PDE11A: variants seen among roughly 807,000 people sequenced by gnomAD.
The protein encoded by PDE11A is phosphodiesterase 11A.
Under a neutral mutation model 100.5 loss-of-function variants are expected in PDE11A, and 100 were observed. That is an observed-to-expected ratio of 1.00 (90% CI 0.85 to 1.18). The LOEUF (loss-of-function observed/expected upper bound fraction) is 1.18, where lower values mean the gene tolerates loss of function less well. Ranked by LOEUF, PDE11A falls within the 50% of genes most tolerant of loss-of-function variation. The pLI, the probability that PDE11A is intolerant of heterozygous loss-of-function variation, is 0.00. For missense variants in PDE11A, 1,141 were observed against 1,152.6 expected (o/e 0.99, Z 0.15); for synonymous variants, 381 against 420.8 (o/e 0.91, Z 1.16).
intron 6 of PDE11A, among the ~76,000 whole-genome samples, chr2:177,821,780 C>G (rs527754038): frequency 2.0e-5 from 3 of 151,742 alleles, no homozygotes; most frequent in Non-Finnish European, 3.0e-5. Context: ...TAATAATATG[C>G]CTTTCATTCT....
At chr2:178,105,255 T>C (rs949100098) in intron 1 of PDE11A, among the ~76,000 whole-genome samples, 1 of 151,970 alleles carries the variant, frequency 6.6e-6, no homozygotes, top group African/African-American at 2.4e-5. Flanking sequence ...AGGTCAGGAG[T>C]TCGAGATCAG....
Position 177,749,184 on chromosome 2 carries a change from A to T in PDE11A, c.1788+20139T>A, listed in dbSNP as rs571782126. Among the ~76,000 whole-genome samples the T allele has an allele frequency of 9.4e-5, 13 of 138,478 alleles. No individual in the cohort carries two copies. The South Asian group carries it at 3.3e-3, about 35-fold the overall frequency. 90.8% of individuals were successfully genotyped at this position (138,478 alleles called of 152,430 possible). A position where few individuals can be genotyped will look rare whatever the true frequency, so the allele number is the denominator to read the frequency against. ...CCATCTACCATTATTTTTGCTGGAA[A>T]TACAGGAGTTTTGTTTGTTTGTTTG... On this transcript the variant is annotated intron_variant, in intron 10 of 19. Coordinates refer to ENST00000286063, the MANE Select transcript of PDE11A (RefSeq NM_016953.4).
chr2:177,651,977 A>G (rs746319477), intron 19 of PDE11A, among the ~76,000 whole-genome samples: 1 of 152,214 alleles, frequency 6.6e-6, no homozygotes, highest in Non-Finnish European at 1.5e-5. Context: ...AGGTTATTTC[A>G]GGGCATCCTG....
chr2:178,007,212 T>C (rs1187185784), intron 2 of PDE11A, among the ~76,000 whole-genome samples: 1 of 152,224 alleles, frequency 6.6e-6, no homozygotes, highest in African/African-American at 2.4e-5. Flanking sequence ...GAGAACTTAA[T>C]GGTCTCTGTT....
At chr2:178,011,738 C>T (rs761503329) in intron 2 of PDE11A, among the ~76,000 whole-genome samples, 10 of 152,172 alleles carry the variant, frequency 6.6e-5, no homozygotes, top group Non-Finnish European at 1.0e-4. Flanking sequence ...AGTTCTCTTC[C>T]AAGTTCTTTC....
intron 1 of PDE11A, among the ~76,000 whole-genome samples, chr2:178,025,163 G>T (rs1220135958): frequency 6.6e-6 from 1 of 152,178 alleles, no homozygotes; most frequent in Non-Finnish European, 1.5e-5. Flanking sequence ...TTCCTAAAGA[G>T]TTCTAAATAG....
intron 1 of PDE11A, among the ~76,000 whole-genome samples, chr2:178,065,658 A>C (rs2087033717): frequency 6.6e-6 from 1 of 152,156 alleles, no homozygotes; most frequent in South Asian, 2.1e-4. Context: ...AATTTTTTTT[A>C]AACACTGTGC....
rs1559062748 is a variant in PDE11A at position 178,072,153 on chromosome 2, C to G, written c.285G>C (p.Gly95=). ...QPLPGGGDCG[G]VPLSPSWAGG... is the part of the protein sequence containing the mutation. ...CGGCCCAGCTGGGACTCAAGGGAACCCCACCACAGTCCCCGCCACCGGGAA... is the reference window on the plus strand; with the variant it reads ...CGGCCCAGCTGGGACTCAAGGGAACGCCACCACAGTCCCCGCCACCGGGAA... Residue 95 remains glycine, a synonymous_variant, in exon 1 of 20, where the codon GGG becomes GGC. Coordinates refer to ENST00000286063, the MANE Select transcript of PDE11A (RefSeq NM_016953.4). The G allele has an allele frequency of 6.2e-7, 1 of 1,613,750 alleles. No individual in the cohort carries two copies. Among genetic ancestry groups the G allele is most frequent in the Admixed American group, 1.7e-5 (1 of 59,994 alleles).
At chr2:178,089,304 T>G (rs1361874405) in intron 2 of PDE11A, among the ~76,000 whole-genome samples, 1 of 152,122 alleles carries the variant, frequency 6.6e-6, no homozygotes, top group South Asian at 2.1e-4. Context: ...GGAAGAAAGA[T>G]GTTACTGAAG....
chr2:177,747,741 G>A (rs1254380335), intron 10 of PDE11A, among the ~76,000 whole-genome samples: 3 of 152,094 alleles, frequency 2.0e-5, no homozygotes, highest in African/African-American at 4.8e-5. Context: ...TGTAGCATTC[G>A]GGGATTTCAG....
chr2:178,107,486 T>C (rs1427149868), intron 1 of PDE11A, among the ~76,000 whole-genome samples: 1 of 150,878 alleles, frequency 6.6e-6, no homozygotes, highest in Non-Finnish European at 1.5e-5. Context: ...TAGCAAACAT[T>C]TGTATGTGCT....
chr2:178,102,428 GTTTT>G (rs769341186), intron 2 of PDE11A, among the ~76,000 whole-genome samples: 2 of 55,362 alleles, frequency 3.6e-5, no homozygotes, highest in Non-Finnish European at 6.3e-5. Context: ...CCTGGTCTAA[GTTTT>G]TTTTTTTTTT....
chr2:177,737,314 C>G (rs187254009), intron 10 of PDE11A, among the ~76,000 whole-genome samples: 4,022 of 151,678 alleles, frequency 0.027, 184 homozygotes, highest in African/African-American at 0.091. Flanking sequence ...TGCGGTGGCT[C>G]ACACCTGTAA....
intron 15 of PDE11A, among the ~76,000 whole-genome samples, chr2:177,689,144 G>A (rs373934832): frequency 7.2e-5 from 11 of 152,096 alleles, no homozygotes; most frequent in East Asian, 1.9e-4. Context: ...GTGCAATGGC[G>A]TGATCTCGGC....
intron 10 of PDE11A, among the ~76,000 whole-genome samples, chr2:177,766,351 ACCT>A (rs998933221): frequency 3.3e-5 from 5 of 152,054 alleles, no homozygotes; most frequent in Non-Finnish European, 5.9e-5. Context: ...CCTGCTGCTC[ACCT>A]CCTGCTGTGT....
chr2:177,999,587 A>G (rs929859651), intron 2 of PDE11A, among the ~76,000 whole-genome samples: 1 of 152,222 alleles, frequency 6.6e-6, no homozygotes, highest in Non-Finnish European at 1.5e-5. Context: ...CCCAGACGCT[A>G]TGATGCTACC....
intron 19 of PDE11A, among the ~76,000 whole-genome samples, chr2:177,645,039 C>A (rs1238970855): frequency 6.6e-6 from 1 of 152,158 alleles, no homozygotes; most frequent in African/African-American, 2.4e-5. Flanking sequence ...TTGGGTATGT[C>A]TTTATTAGCA....
At chr2:177,942,790 T>C (rs1194987777) in intron 2 of PDE11A, among the ~76,000 whole-genome samples, 1 of 152,236 alleles carries the variant, frequency 6.6e-6, no homozygotes, top group East Asian at 1.9e-4. Context: ...AGTCTAAGTA[T>C]ATTCACATTG....
At chr2:177,978,894 G>T (rs1574319329) in intron 2 of PDE11A, among the ~76,000 whole-genome samples, 1 of 109,280 alleles carries the variant, frequency 9.2e-6, no homozygotes, top group East Asian at 2.4e-4. Flanking sequence ...CATGGACACA[G>T]GAAGGGGAAT....
Sources: allele counts gnomAD v4.1 joint callset (sites outside exome capture counted in the v4.1 genomes callset), GRCh38; gene constraint gnomAD v4.1.1; transcripts MANE v1.5; gene names NCBI Gene and HGNC (gene_info 2026-07-23, HGNC 2026-07-21).